Variants in IMPDH1 observed in about 807,000 individuals in gnomAD.
IMPDH1 encodes the protein inosine monophosphate dehydrogenase 1, also known as inosine-5'-monophosphate dehydrogenase 1.
IMPDH1 carries 41 observed loss-of-function variants against 73.5 expected under a neutral mutation model. That is an observed-to-expected ratio of 0.56 (90% CI 0.43 to 0.72). The LOEUF (loss-of-function observed/expected upper bound fraction) is 0.72. IMPDH1 is among the 30% of genes least tolerant of loss of function. The probability of loss-of-function intolerance (pLI) is 0.00; values close to 1 mark genes in which losing one functional copy is unlikely to be tolerated. For synonymous variants in IMPDH1, 318 were observed against 334.3 expected, an observed-to-expected ratio of 0.95 and a Z score of 0.53; for missense variants, 645 against 824.8, an observed-to-expected ratio of 0.78 and a Z score of 2.67.
chr7:128,409,069 AT>A (rs973039585), intron 3 of IMPDH1, among the ~76,000 whole-genome samples: 2 of 152,204 alleles, frequency 1.3e-5, no homozygotes, highest in Non-Finnish European at 2.9e-5. Flanking sequence ...GGACAGTGGG[AT>A]TGCATTTCAA....
chr7:128,402,661 T>C (rs1290588985), intron 5 of IMPDH1, among the ~76,000 whole-genome samples: 3 of 152,148 alleles, frequency 2.0e-5, no homozygotes, highest in Non-Finnish European at 2.9e-5. Context: ...TGGCCTTTCA[T>C]GAGAATCAGA....
intron 3 of IMPDH1, among the ~76,000 whole-genome samples, chr7:128,406,961 C>A (rs1798818162): frequency 6.6e-6 from 1 of 152,186 alleles, no homozygotes; most frequent in South Asian, 2.1e-4. Context: ...ATCCAGATTT[C>A]TACATGGGGG....
chr7:128,395,944 G>C (rs76268380), intron 12 of IMPDH1, among the ~76,000 whole-genome samples: 1 of 152,314 alleles, frequency 6.6e-6, no homozygotes, highest in Non-Finnish European at 1.5e-5. Flanking sequence ...AGGACCAAAA[G>C]GGGGAGCTGT....
At chr7:128,403,802 A>C in intron 4 of IMPDH1, 48 bp from the exon 5 acceptor site, 6 of 1,524,194 alleles carry the variant, frequency 3.9e-6, no homozygotes, top group Non-Finnish European at 4.6e-6. Context: ...GGGTGCCCCA[A>C]AGGGGCAGAG....
chr7:128,402,946 G>A (rs1798441297), intron 5 of IMPDH1, among the ~76,000 whole-genome samples: 1 of 152,204 alleles, frequency 6.6e-6, no homozygotes, highest in Admixed American at 6.5e-5. Flanking sequence ...TTGTGGATCA[G>A]TGAACAAGTC....
rs140399669 is a variant in IMPDH1, at chr7:128,398,587, C to T, written c.901G>A (p.Asp301Asn). ...CGGGCGATGATGGCCACCAGCTCAT[C>T]GCAATCATTGACGATAGGCAGCTTC... ...KGKLPIVNDCDELVAIIARTD... is the reference protein window; with the variant it reads ...KGKLPIVNDCNELVAIIARTD... Residue 301 changes from aspartate (D) to asparagine (N), a missense_variant, in exon 10 of 17, where the codon GAT becomes AAT. By Grantham distance (23) the Asp-to-Asn change is conservative. Around this residue, in one of 2 missense-constraint regions of IMPDH1, gnomAD observed 459 missense variants for 638.2 expected, o/e 0.72. Coordinates refer to ENST00000338791, the MANE Select transcript of IMPDH1 (RefSeq NM_000883.4). This position sits in a 1 kb window ranked among gnomAD's most constrained non-coding sequence, Gnocchi z 4.3. 27 of 1,612,676 alleles carry T rather than the reference C, an allele frequency of 1.7e-5. 1 individual carries two copies. Among genetic ancestry groups the T allele is most frequent in the Middle Eastern group, 1.6e-4 (1 of 6,080 alleles).
intron 5 of IMPDH1, among the ~76,000 whole-genome samples, 186 bp downstream of exon 5, chr7:128,403,520 T>C (rs1201905087): frequency 1.4e-5 from 2 of 145,690 alleles, no homozygotes; most frequent in Non-Finnish European, 3.0e-5. Flanking sequence ...ATCACACCAC[T>C]GCACTCCAGC....
At chr7:128,402,931 G>A (rs949862489) in intron 5 of IMPDH1, among the ~76,000 whole-genome samples, 8 of 152,134 alleles carry the variant, frequency 5.3e-5, no homozygotes, top group African/African-American at 1.2e-4. Flanking sequence ...GCCAGTTCTT[G>A]TACATTGTGG....
Position 128,402,295 on chromosome 7 carries a change from G to C in IMPDH1, c.403-1179C>G, listed in dbSNP as rs138671769. 3.6e-3 allele frequency among the ~76,000 whole-genome samples: 543 copies of C among 152,170 alleles called. 2 individuals are homozygous for C. The highest frequency in any genetic ancestry group is 0.013 in the African/African-American group (519 of 41,510). ...TTTTTGCATTTTTAGTAGAGATGGG[G>C]TTTCACCATGTTGGCCAGGCTGGTC... On this transcript the variant is annotated intron_variant, in intron 5 of 16. Coordinates refer to ENST00000338791, the MANE Select transcript of IMPDH1 (RefSeq NM_000883.4).
chr7:128,409,718 C>T (rs371933689), intron 1 of IMPDH1, 38 bp downstream of exon 1: 2 of 1,525,282 alleles, frequency 1.3e-6, no homozygotes, highest in Non-Finnish European at 1.8e-6. Flanking sequence ...CGGCCGCCCG[C>T]CCCGGATGCG....
intron 8 of IMPDH1, 65 bp downstream of exon 8, chr7:128,400,268 A>G (rs1584733963): frequency 6.2e-7 from 1 of 1,604,458 alleles, no homozygotes; most frequent in Non-Finnish European, 8.5e-7. Context: ...CACAGGCACC[A>G]GTCTGAGGCC....
intron 1 of IMPDH1, 50 bp downstream of exon 1, chr7:128,409,706 C>T (rs1453385195): frequency 3.3e-6 from 5 of 1,523,894 alleles, no homozygotes; most frequent in Admixed American, 2.0e-5. Context: ...CCGCGCCCTC[C>T]TCGGCCGCCC....
intron 5 of IMPDH1, 72 bp downstream of exon 5, chr7:128,403,634 C>T: frequency 1.5e-6 from 2 of 1,339,326 alleles, no homozygotes; most frequent in Non-Finnish European, 2.2e-6. Context: ...CATGCCCTGC[C>T]CCTGAGCAAG....
Position 128,409,283 on chromosome 7 carries a change from C to T in IMPDH1, c.254+6G>A, listed in dbSNP as rs1251251640. 6.2e-7 allele frequency: 1 copy of T among 1,612,582 alleles called. No homozygotes were observed. The highest frequency in any genetic ancestry group is 1.3e-5 in the African/African-American group (1 of 74,886). On this transcript the variant is annotated splice_donor_region_variant and intron_variant, in intron 3 of 16. Coordinates refer to ENST00000338791, the MANE Select transcript of IMPDH1 (RefSeq NM_000883.4). The stretch of plus-strand genomic sequence containing the variant: ...GTGCATGGTGAGGAGGGGAGAGTGT[C>T]CTCACCTAGCCCTGCGAAGGCGATC...
At chr7:128,405,680 G>T in intron 4 of IMPDH1, 87 bp downstream of exon 4, 1 of 1,468,506 alleles carries the variant, frequency 6.8e-7, no homozygotes, top group Non-Finnish European at 9.0e-7. Context: ...GGCAGGGAAC[G>T]CCGGGGGAGC....
At chr7:128,400,228 A>G (rs377311622) in intron 8 of IMPDH1, 46 bp from the exon 9 acceptor site, 12 of 1,610,644 alleles carry the variant, frequency 7.5e-6, no homozygotes, top group South Asian at 1.1e-5. Context: ...GGTGAGAGAG[A>G]AGGAGCCAGG....
rs544665698 is a variant in IMPDH1 at position 128,401,140 on chromosome 7, G to A, written c.403-24C>T. 2.9e-5 allele frequency: 46 copies of A among 1,575,246 alleles called. No homozygotes were observed. The Admixed American group carries it at 3.5e-4, about 12-fold the overall frequency. ...TCCTGAGGATGGAGGCACAGCCCAC[G>A]TAAAGAGTTTATCACCCACTGGACA... On this transcript the variant is annotated intron_variant, in intron 5 of 16. Transcript: ENST00000338791.
At position 128,398,318 on chromosome 7, in the gene IMPDH1, G is replaced by T; in HGVS notation, c.1074+96C>A. On this transcript the variant is annotated intron_variant, in intron 10 of 16. Coordinates refer to ENST00000338791, the MANE Select transcript of IMPDH1 (RefSeq NM_000883.4). The surrounding 1 kb of genome is among the most constrained non-coding windows in gnomAD (Gnocchi z 4.3). ...AGAGAGGAAGAGTAGCAAGGGAGGG[G>T]CACAGGCTTAATCAGAGGTGAACCT... The T allele has an allele frequency of 1.1e-6, 1 of 948,176 alleles. No individual in the cohort carries two copies. The highest frequency in any genetic ancestry group is 1.7e-6 in the Non-Finnish European group (1 of 594,818). The allele number at this position is 948,176 out of a possible 1,614,324, so 58.7% of individuals were successfully genotyped here.
At chr7:128,405,740 C>A in intron 4 of IMPDH1, 27 bp downstream of exon 4, 1 of 1,525,854 alleles carries the variant, frequency 6.6e-7, no homozygotes, top group Non-Finnish European at 8.8e-7. Context: ...GATGCGCGCA[C>A]CTAGGGGTAC....
Sources: allele counts gnomAD v4.1 joint callset (sites outside exome capture counted in the v4.1 genomes callset), GRCh38; gene constraint gnomAD v4.1.1; regional missense constraint gnomAD v4.1.1; non-coding constraint Gnocchi (gnomAD v3.1); transcripts MANE v1.5; gene names NCBI Gene and HGNC (gene_info 2026-07-23, HGNC 2026-07-21).